ALMS1: variants seen among roughly 807,000 people sequenced by gnomAD.
ALMS1 encodes centrosome-associated protein ALMS1.
ALMS1 carries 271 observed loss-of-function variants against 352.2 expected under a neutral mutation model. That is an observed-to-expected ratio of 0.77 (90% confidence interval 0.70 to 0.85). The LOEUF (loss-of-function observed/expected upper bound fraction) is 0.85, where lower values mean the gene tolerates loss of function less well. Among genes scored for constraint, ALMS1 ranks in the 40% least tolerant of loss-of-function variants. The pLI is 0.00. For missense variants in ALMS1, 5,445 were observed against 4,870.7 expected (o/e 1.12, Z -3.51); for synonymous variants, 1,865 against 1,761.2 (o/e 1.06, Z -1.48).
chr2:73,563,216 G>A (rs1423244787), intron 15 of ALMS1, among the ~76,000 whole-genome samples: 2 of 151,912 alleles, frequency 1.3e-5, no homozygotes, highest in East Asian at 3.9e-4. Flanking sequence ...ACTTAGAGAT[G>A]TATCAAAAAG....
intron 9 of ALMS1, among the ~76,000 whole-genome samples, chr2:73,488,899 A>G (rs190290736): frequency 9.2e-5 from 14 of 152,170 alleles, no homozygotes; most frequent in Non-Finnish European, 1.6e-4. Flanking sequence ...TTTTCCCCCC[A>G]TTGTTAGGGG....
chr2:73,405,596 A>G (rs1670957290), intron 1 of ALMS1, among the ~76,000 whole-genome samples: 2 of 142,976 alleles, frequency 1.4e-5, no homozygotes, highest in African/African-American at 2.6e-5. Context: ...CTCTAATCTT[A>G]TTTTTTCCTT....
At chr2:73,601,164 C>A in intron 18 of ALMS1, 31 bp from the exon 19 acceptor site, 1 of 1,613,780 alleles carries the variant, frequency 6.2e-7, no homozygotes, top group East Asian at 2.2e-5. Flanking sequence ...AGTGAAAAAT[C>A]TGTGTTCCTT....
intron 11 of ALMS1, 136 bp downstream of exon 11, chr2:73,520,152 T>C: frequency 8.9e-7 from 1 of 1,127,450 alleles, no homozygotes; most frequent in Non-Finnish European, 1.3e-6. Flanking sequence ...ATTATATCTG[T>C]CTTTTATTTG....
At chr2:73,480,894 A>C (rs1357157234) in intron 9 of ALMS1, among the ~76,000 whole-genome samples, 4 of 149,300 alleles carry the variant, frequency 2.7e-5, no homozygotes, top group Non-Finnish European at 5.9e-5. Context: ...GTGTCTGTTC[A>C]TGTCCTTCGC....
chr2:73,451,421 C>T lies in ALMS1; in HGVS notation c.4894C>T (p.Leu1632=). ...GCCCATTACTTTCTACCGGCAGGCT[C>T]TGCTAGACAGTCCTCTAAATAAAGA... ...EKPITFYRQA[L]LDSPLNKEVV... Residue 1632 remains leucine, a synonymous_variant, in exon 8 of 23, where the codon CTG becomes TTG. Coordinates refer to ENST00000613296, the MANE Select transcript of ALMS1 (RefSeq NM_001378454.1). 1 of 1,613,492 alleles carries T rather than the reference C, an allele frequency of 6.2e-7. No individual in the cohort carries two copies. The highest frequency in any genetic ancestry group is 1.7e-5 in the Admixed American group (1 of 59,952).
intron 16 of ALMS1, among the ~76,000 whole-genome samples, chr2:73,583,418 A>C (rs534590581): frequency 2.0e-5 from 3 of 152,152 alleles, no homozygotes; most frequent in Non-Finnish European, 2.9e-5. Context: ...CAGATACATG[A>C]TTTGTAAATA....
intron 11 of ALMS1, among the ~76,000 whole-genome samples, chr2:73,529,464 G>A (rs1368147022): frequency 6.6e-6 from 1 of 152,230 alleles, no homozygotes; most frequent in African/African-American, 2.4e-5. Context: ...TGGTCTAGAA[G>A]CTTGTGGATA....
intron 9 of ALMS1, among the ~76,000 whole-genome samples, chr2:73,483,501 T>G (rs1442705993): frequency 6.6e-6 from 1 of 151,814 alleles, no homozygotes; most frequent in Non-Finnish European, 1.5e-5. Context: ...AAGTATGTGG[T>G]CAATTTTGGA....
intron 10 of ALMS1, among the ~76,000 whole-genome samples, chr2:73,504,915 G>A (rs966522515): frequency 2.6e-5 from 4 of 152,050 alleles, no homozygotes; most frequent in African/African-American, 7.2e-5. Context: ...AGTGTGTGAT[G>A]TTCCCCTCCC....
intron 21 of ALMS1, among the ~76,000 whole-genome samples, chr2:73,607,545 G>A (rs1023328917): frequency 1.3e-5 from 2 of 151,860 alleles, no homozygotes; most frequent in Admixed American, 6.6e-5. Flanking sequence ...GGGAAGCCTC[G>A]AGTCCATTTT....
At chr2:73,607,810 A>ATTTTTTTTTTTTTTTTTTT (rs537392249) in intron 21 of ALMS1, among the ~76,000 whole-genome samples, 2 of 131,488 alleles carry the variant, frequency 1.5e-5, no homozygotes, top group African/African-American at 5.6e-5. Context: ...TGCCCACCTA[A>ATTTTTTTTTTTTTTTTTTT]TTTTTTTTTT....
intron 2 of ALMS1, among the ~76,000 whole-genome samples, chr2:73,418,600 C>G (rs1267719457): frequency 6.6e-6 from 1 of 152,216 alleles, no homozygotes; most frequent in Non-Finnish European, 1.5e-5. Flanking sequence ...ACATGACTCT[C>G]TGCTGACTGG....
At chr2:73,480,928 T>C (rs1192035882) in intron 9 of ALMS1, among the ~76,000 whole-genome samples, 1 of 148,808 alleles carries the variant, frequency 6.7e-6, no homozygotes, top group African/African-American at 2.5e-5. Flanking sequence ...GGGTTGTTTG[T>C]TTTTTTCTTG....
intron 9 of ALMS1, among the ~76,000 whole-genome samples, chr2:73,471,717 CAA>C (rs1009511813): frequency 1.4e-4 from 22 of 151,876 alleles, no homozygotes; most frequent in Admixed American, 3.9e-4. Context: ...CAAATGGTAA[CAA>C]GTGTTGGAGA....
chr2:73,486,151 G>C lies in ALMS1; in HGVS notation c.7675-3483G>C, dbSNP rs1015121549. ...GTCTTTTTTTTCCCTTTTTACTGTTGTGAATTGTATATATATGTTAGTATA... is the reference window on the plus strand; with the variant it reads ...GTCTTTTTTTTCCCTTTTTACTGTTCTGAATTGTATATATATGTTAGTATA... On this transcript the variant is annotated intron_variant, in intron 9 of 22. Coordinates refer to ENST00000613296, the MANE Select transcript of ALMS1 (RefSeq NM_001378454.1). 3.4e-4 allele frequency among the ~76,000 whole-genome samples: 52 copies of C among 151,844 alleles called. 1 individual carries two copies. The highest frequency in any genetic ancestry group is 6.8e-3 in the Middle Eastern group (2 of 294).
chr2:73,414,486 T>G (rs199989920), intron 2 of ALMS1, among the ~76,000 whole-genome samples: 627 of 45,032 alleles, frequency 0.014, 4 homozygotes, highest in African/African-American at 0.023. Flanking sequence ...TTTTTTTTTT[T>G]TTGTTTTTTT....
chr2:73,455,261 T>A lies in ALMS1; in HGVS notation c.7640T>A (p.Leu2547Ter). The A allele has an allele frequency of 6.2e-7, 1 of 1,614,138 alleles. No individual in the cohort carries two copies. Among genetic ancestry groups the A allele is most frequent in the Non-Finnish European group, 8.5e-7 (1 of 1,180,004 alleles). ...RRKVEEIKAELFGHGRTTDLS... is the reference protein window; with the variant it reads ...RRKVEEIKAE ...AAAGTAGAAGAGATCAAGGCAGAGTTATTTGGTCATGGAAGAACAACTGAC... is the reference window on the plus strand; with the variant it reads ...AAAGTAGAAGAGATCAAGGCAGAGTAATTTGGTCATGGAAGAACAACTGAC... The change falls in exon 9 of 23, where the codon TTA becomes TAA. Residue 2547 changes from leucine (L) to a stop codon, truncating the protein, a stop_gained. Transcript: ENST00000613296. LOFTEE classifies it high-confidence loss of function.
intron 10 of ALMS1, among the ~76,000 whole-genome samples, chr2:73,507,800 A>G (rs923217698): frequency 1.3e-5 from 2 of 151,524 alleles, no homozygotes; most frequent in African/African-American, 2.4e-5. Context: ...GATCTTAGCT[A>G]TTTCTTGTCT....
Sources: allele counts gnomAD v4.1 joint callset (sites outside exome capture counted in the v4.1 genomes callset), GRCh38; gene constraint gnomAD v4.1.1; transcripts MANE v1.5; gene names NCBI Gene and HGNC (gene_info 2026-07-23, HGNC 2026-07-21).